GDA: variants seen among roughly 807,000 people sequenced by gnomAD.
GDA encodes the protein guanine deaminase.
GDA carries 18 observed loss-of-function variants against 59.6 expected under a neutral mutation model. The observed-to-expected ratio is 0.30, with a 90% CI of 0.21 to 0.45. GDA has a LOEUF of 0.45. Among genes scored for constraint, GDA ranks in the 20% least tolerant of loss-of-function variants. The pLI, the probability that GDA is intolerant of heterozygous loss-of-function variation, is 1.00. For missense variants in GDA, 427 were observed against 552.3 expected (o/e 0.77, Z 2.27); for synonymous variants, 201 against 201.1 (o/e 1.00, Z 0.00).
chr9:72,192,978 T>G (rs1345981927), intron 1 of GDA, among the ~76,000 whole-genome samples: 2 of 152,248 alleles, frequency 1.3e-5, no homozygotes, highest in African/African-American at 4.8e-5. Context: ...TGATTCTTTT[T>G]AATTATTTCA....
chr9:72,138,937 A>G (rs1313564921), intron 1 of GDA, among the ~76,000 whole-genome samples: 1 of 152,206 alleles, frequency 6.6e-6, no homozygotes, highest in Non-Finnish European at 1.5e-5. Flanking sequence ...GAAAGAGAAT[A>G]ATTTATGTAA....
chr9:72,163,828 C>T (rs1366749986), intron 1 of GDA, among the ~76,000 whole-genome samples: 2 of 152,172 alleles, frequency 1.3e-5, no homozygotes, highest in African/African-American at 4.8e-5. Flanking sequence ...GTTTCAGCAG[C>T]TGTTAGATAA....
chr9:72,160,329 A>AATAT (rs151181045), intron 1 of GDA, among the ~76,000 whole-genome samples: 1 of 151,192 alleles, frequency 6.6e-6, no homozygotes, highest in Non-Finnish European at 1.5e-5. Flanking sequence ...AAACAAAACA[A>AATAT]ATATATATAT....
intron 1 of GDA, among the ~76,000 whole-genome samples, chr9:72,127,163 T>C (rs1825875428): frequency 6.6e-6 from 1 of 152,080 alleles, no homozygotes; most frequent in Non-Finnish European, 1.5e-5. Flanking sequence ...ACTTGCTATA[T>C]GTAATGGACT....
intron 1 of GDA, among the ~76,000 whole-genome samples, chr9:72,183,365 C>T (rs1394912060): frequency 1.3e-5 from 2 of 152,178 alleles, no homozygotes; most frequent in Non-Finnish European, 2.9e-5. Context: ...TCCCCTGACC[C>T]TATTAGCATT....
upstream of GDA, among the ~76,000 whole-genome samples, chr9:72,148,758 G>A (rs980804730): frequency 1.4e-4 from 22 of 152,212 alleles, no homozygotes; most frequent in Admixed American, 1.2e-3. Flanking sequence ...CTTGTCCACA[G>A]TCTCTTGATT....
intron 4 of GDA, among the ~76,000 whole-genome samples, chr9:72,211,138 T>C (rs905466160): frequency 3.3e-5 from 5 of 152,190 alleles, no homozygotes; most frequent in African/African-American, 1.2e-4. Context: ...TATCAGCAGA[T>C]ACATGGTGGC....
chr9:72,220,607 C>A (rs1384505972), intron 6 of GDA, among the ~76,000 whole-genome samples: 1 of 152,046 alleles, frequency 6.6e-6, no homozygotes, highest in Admixed American at 6.6e-5. Context: ...GTTTTCCTTA[C>A]CCCCCTCTGG....
chr9:72,184,961 A>C (rs1831682300), intron 1 of GDA, among the ~76,000 whole-genome samples: 1 of 152,206 alleles, frequency 6.6e-6, no homozygotes, highest in South Asian at 2.1e-4. Flanking sequence ...CTGTGAGCTA[A>C]GTATGGTTTT....
At chr9:72,119,040 T>C (rs1274970688) in intron 1 of GDA, among the ~76,000 whole-genome samples, 1 of 152,118 alleles carries the variant, frequency 6.6e-6, no homozygotes, top group Non-Finnish European at 1.5e-5. Context: ...AAAGAAAACA[T>C]AGTCTTTAAC....
intron 5 of GDA, among the ~76,000 whole-genome samples, chr9:72,218,762 T>C (rs1382692125): frequency 6.6e-6 from 1 of 152,226 alleles, no homozygotes; most frequent in African/African-American, 2.4e-5. Context: ...TTTAGGAGAA[T>C]TCGAAGTAAA....
At position 72,158,581 on chromosome 9, in the gene GDA, G is replaced by A. The variant is rs143141840; in HGVS notation, c.123+8899G>A. 8.1e-3 allele frequency among the ~76,000 whole-genome samples: 1,219 copies of A among 149,854 alleles called. 21 individuals carry two copies. The highest frequency in any genetic ancestry group is 0.029 in the African/African-American group (1,173 of 40,788). On this transcript the variant is annotated intron_variant, in intron 1 of 13. Coordinates refer to ENST00000358399, the MANE Select transcript of GDA (RefSeq NM_004293.5). ...GCACTCCAGCCTGGGCAACAAGAGCGAAACTCCGTCTCCAAAAAAAAAAAA... is the reference window on the plus strand; with the variant it reads ...GCACTCCAGCCTGGGCAACAAGAGCAAAACTCCGTCTCCAAAAAAAAAAAA...
downstream of GDA, chr9:72,257,778 A>C (rs1408759172): frequency 6.6e-6 from 1 of 152,570 alleles, no homozygotes; most frequent in Non-Finnish European, 1.5e-5. Flanking sequence ...AAAATAATAC[A>C]AAAATAAGCT....
In GDA at chr9:72,250,669, G is replaced by T; in HGVS notation, c.*2327G>T. On this transcript the variant is annotated 3_prime_UTR_variant, in exon 14 of 14. Transcript: ENST00000358399. ...ATGTTGCCTTTGCCTAATGTAGGTT[G>T]ACTTTCTGAATTGTGGAGAGGCACT... 6.2e-7 allele frequency: 1 copy of T among 1,608,698 alleles called. No homozygotes were observed. The highest frequency in any genetic ancestry group is 1.1e-5 in the South Asian group (1 of 90,884).
intron 1 of GDA, among the ~76,000 whole-genome samples, chr9:72,155,286 C>T (rs1487928983): frequency 2.0e-5 from 3 of 152,104 alleles, no homozygotes; most frequent in South Asian, 2.1e-4. Flanking sequence ...CATCAGATCT[C>T]GTGAGACTTA....
chr9:72,226,013 G>A (rs981799514), intron 8 of GDA, among the ~76,000 whole-genome samples: 3 of 149,194 alleles, frequency 2.0e-5, no homozygotes, highest in Non-Finnish European at 4.4e-5. Context: ...GTGTGTGTGT[G>A]TGCGTGTGTG....
chr9:72,208,539 C>A (rs1483170643), intron 3 of GDA, among the ~76,000 whole-genome samples: 11 of 152,216 alleles, frequency 7.2e-5, no homozygotes, highest in Admixed American at 7.2e-4. Flanking sequence ...TGTAGCACTA[C>A]TGTAATCTTG....
chr9:72,223,260 C>G (rs1418379141), intron 7 of GDA, 33 bp downstream of exon 7: 4 of 1,153,354 alleles, frequency 3.5e-6, no homozygotes, highest in Non-Finnish European at 5.2e-6. Flanking sequence ...TGCCTCTATG[C>G]AGACCTGCAA....
rs370706555 is a variant in GDA at position 72,217,339 on chromosome 9, C to G, written c.579-2140C>G. 7.9e-5 allele frequency among the ~76,000 whole-genome samples: 12 copies of G among 152,266 alleles called. No individual in the cohort carries two copies. In the East Asian group the frequency reaches 2.3e-3, roughly 29 times the overall value. ...CTCTCTGTGATTTTCTCCTGTGGTA[C>G]AGTAGTGCTTCTCTTGATGCTTCTA... is the stretch of plus-strand genomic sequence containing the variant. On this transcript the variant is annotated intron_variant, in intron 5 of 13. Coordinates refer to ENST00000358399, the MANE Select transcript of GDA (RefSeq NM_004293.5).
Sources: allele counts gnomAD v4.1 joint callset (sites outside exome capture counted in the v4.1 genomes callset), GRCh38; gene constraint gnomAD v4.1.1; transcripts MANE v1.5; gene names NCBI Gene and HGNC (gene_info 2026-07-23, HGNC 2026-07-21).